SNX8: variants seen among roughly 807,000 people sequenced by gnomAD.
SNX8 encodes the protein sorting nexin 8.
A neutral mutation model predicts 51.6 loss-of-function variants in SNX8; 25 were observed. The ratio of observed to expected loss-of-function variants is 0.48; its 90% CI spans 0.35 to 0.68. SNX8 has a LOEUF of 0.68. Among genes scored for constraint, SNX8 ranks in the 30% least tolerant of loss-of-function variants. SNX8 has a pLI of 0.00. For missense variants in SNX8, 695 were observed against 624.0 expected (o/e 1.11, Z -1.21); for synonymous variants, 324 against 277.0 (o/e 1.17, Z -1.68).
chr7:2,284,193 G>A (rs927830388), intron 1 of SNX8, among the ~76,000 whole-genome samples: 16 of 151,986 alleles, frequency 1.1e-4, no homozygotes, highest in African/African-American at 3.6e-4. Flanking sequence ...GCCTCCTATA[G>A]TGCTGGGATG....
At position 2,254,765 on chromosome 7, in the gene SNX8, G is replaced by T; in HGVS notation, c.*291C>A. 2.1e-6 allele frequency: 1 copy of T among 469,434 alleles called. No homozygotes were observed. The highest frequency in any genetic ancestry group is 4.1e-5 in the East Asian group (1 of 24,246). 29.1% of individuals were successfully genotyped at this position (469,434 alleles called of 1,614,324 possible). ...CAGGCACAATCTCTGTGAGATGAGAGATCCCTGCCTCCCCGCACAGCTCTG... is the reference window on the plus strand; with the variant it reads ...CAGGCACAATCTCTGTGAGATGAGATATCCCTGCCTCCCCGCACAGCTCTG... On this transcript the variant is annotated 3_prime_UTR_variant, in exon 11 of 11. Coordinates refer to ENST00000222990, the MANE Select transcript of SNX8 (RefSeq NM_013321.4).
At chr7:2,309,257 C>T (rs1796612603) in intron 1 of SNX8, among the ~76,000 whole-genome samples, 1 of 152,216 alleles carries the variant, frequency 6.6e-6, no homozygotes, top group African/African-American at 2.4e-5. Flanking sequence ...TGGGGTGGAT[C>T]ACCCCTGTAA....
At chr7:2,258,245 A>T (rs908901176) in intron 7 of SNX8, among the ~76,000 whole-genome samples, 88 of 152,050 alleles carry the variant, frequency 5.8e-4, no homozygotes, top group Admixed American at 5.0e-3. Context: ...CTTGATCTCC[A>T]GACCTCGTGA....
At chr7:2,325,787 G>C (rs368870824) in intron 1 of SNX8, among the ~76,000 whole-genome samples, 1 of 151,906 alleles carries the variant, frequency 6.6e-6, no homozygotes, top group South Asian at 2.1e-4. Context: ...AGCCAAGATC[G>C]TGCCACTGCA....
intron 1 of SNX8, among the ~76,000 whole-genome samples, chr7:2,347,877 C>T (rs1779061424): frequency 7.2e-6 from 1 of 139,424 alleles, no homozygotes; most frequent in African/African-American, 2.6e-5. Context: ...CTCCTGACCT[C>T]AGGTGATCTG....
At chr7:2,339,884 G>A (rs1213717592) in intron 1 of SNX8, among the ~76,000 whole-genome samples, 1 of 152,040 alleles carries the variant, frequency 6.6e-6, no homozygotes, top group South Asian at 2.1e-4. Context: ...TTCTGCACGT[G>A]GTAGATAACA....
chr7:2,319,566 A>T (rs1329808736), intron 1 of SNX8, among the ~76,000 whole-genome samples: 1 of 152,194 alleles, frequency 6.6e-6, no homozygotes, highest in Non-Finnish European at 1.5e-5. Context: ...CTGTAATCCC[A>T]GCACCTTGGG....
chr7:2,299,191 C>T (rs553248902), intron 1 of SNX8, among the ~76,000 whole-genome samples: 1 of 152,068 alleles, frequency 6.6e-6, no homozygotes, highest in South Asian at 2.1e-4. Context: ...ACGGGCCATC[C>T]ATCGCTGAGA....
At position 2,254,860 on chromosome 7, in the gene SNX8, A is replaced by G; in HGVS notation, c.*196T>C. 1 of 611,408 alleles carries G rather than the reference A, an allele frequency of 1.6e-6. No individual in the cohort carries two copies. The allele number at this position is 611,408 out of a possible 1,614,324, so 37.9% of individuals were successfully genotyped here. A position where few individuals can be genotyped will look rare whatever the true frequency, so the allele number is the denominator to read the frequency against. ...GACCAGGCTAGCAGGCCACAGGGCG[A>G]AGGACAGTGTGGCCCAGCTGCCCCC... On this transcript the variant is annotated 3_prime_UTR_variant, in exon 11 of 11. Coordinates refer to ENST00000222990, the MANE Select transcript of SNX8 (RefSeq NM_013321.4).
chr7:2,274,207 G>A (rs936847511), intron 3 of SNX8, among the ~76,000 whole-genome samples: 7 of 152,312 alleles, frequency 4.6e-5, no homozygotes, highest in African/African-American at 1.4e-4. Context: ...CTTCACATGC[G>A]GCGGGGTGAA....
intron 7 of SNX8, among the ~76,000 whole-genome samples, chr7:2,261,150 T>C (rs1352698494): frequency 4.6e-5 from 7 of 152,234 alleles, no homozygotes; most frequent in African/African-American, 1.7e-4. Flanking sequence ...ACAGCTCCTT[T>C]GGCTGGGCAC....
chr7:2,265,349 C>T (rs1434239197), intron 5 of SNX8, among the ~76,000 whole-genome samples: 2 of 151,756 alleles, frequency 1.3e-5, no homozygotes, highest in Non-Finnish European at 2.9e-5. Flanking sequence ...CAAAAACTAA[C>T]AATACTAATC....
chr7:2,277,462 A>G (rs1368438203), intron 2 of SNX8, among the ~76,000 whole-genome samples: 1 of 151,722 alleles, frequency 6.6e-6, no homozygotes, highest in Non-Finnish European at 1.5e-5. Context: ...GCTGGTGTGG[A>G]TCCCGCTTTG....
rs560168243 is a variant in SNX8 at position 2,351,557 on chromosome 7, G to C, written c.-66+2665C>G. ...CTGTTAAAAAATAATAATAGGCCAG[G>C]CGCAGTGGCTCACGCCTGTAATCCC... On this transcript the variant is annotated intron_variant, in intron 1 of 5. Coordinates refer to the SNX8 transcript ENST00000435336. Among the ~76,000 whole-genome samples, 9 of 150,904 alleles carry C rather than the reference G, an allele frequency of 6.0e-5. No individual in the cohort carries two copies. In the East Asian group the frequency reaches 1.8e-3, roughly 30 times the overall value.
rs763472110 is a variant in SNX8, at chr7:2,345,141, A to G, written c.-66+9081T>C. Among the ~76,000 whole-genome samples the G allele has an allele frequency of 2.6e-5, 4 of 152,294 alleles. No individual in the cohort carries two copies. In the East Asian group the frequency reaches 7.7e-4, roughly 29 times the overall value. ...TAAACTATAGCTCATAGAGACAAGC[A>G]TAAGAGTCTTCACTGTAATACTATT... On this transcript the variant is annotated intron_variant, in intron 1 of 5. Transcript: ENST00000435336.
At position 2,281,838 on chromosome 7, in the gene SNX8, T is replaced by C. The variant is rs6970607; in HGVS notation, c.95-3533A>G. On this transcript the variant is annotated intron_variant, in intron 1 of 10. Transcript: ENST00000222990. Reference sequence around the variant, plus strand: ...TTACTGTTCAAATCCGTGCGGTGGGTGTAAGGATGCCCTCACCCCTGGGCC... The same window carrying C: ...TTACTGTTCAAATCCGTGCGGTGGGCGTAAGGATGCCCTCACCCCTGGGCC... Among the ~76,000 whole-genome samples, 663 of 152,190 alleles carry C rather than the reference T, an allele frequency of 4.4e-3. 6 individuals are homozygous for C. The highest frequency in any genetic ancestry group is 0.016 in the African/African-American group (648 of 41,518).
intron 1 of SNX8, among the ~76,000 whole-genome samples, chr7:2,348,943 T>C (rs1306976589): frequency 4.3e-5 from 5 of 115,056 alleles, no homozygotes; most frequent in African/African-American, 1.7e-4. Context: ...ACAGTGAGAC[T>C]CTGTCTCAAA....
intron 1 of SNX8, among the ~76,000 whole-genome samples, chr7:2,291,429 C>T (rs559755085): frequency 6.6e-6 from 1 of 152,186 alleles, no homozygotes; most frequent in African/African-American, 2.4e-5. Context: ...GAAACCCTGT[C>T]TCTACTAAAA....
At chr7:2,293,370 G>A (rs1240899854) in intron 1 of SNX8, among the ~76,000 whole-genome samples, 2 of 151,914 alleles carry the variant, frequency 1.3e-5, no homozygotes, top group African/African-American at 4.8e-5. Context: ...CTGAAAAGAT[G>A]CTCAGTCGGG....
Sources: gnomAD v4.1 joint callset for allele counts (sites outside exome capture counted in the v4.1 genomes callset) on GRCh38, gnomAD v4.1.1 for gene constraint, MANE v1.5 for transcripts, NCBI Gene and HGNC (gene_info 2026-07-23, HGNC 2026-07-21) for gene names.